The following MYBBP1A variants were observed in gnomAD, a reference collection of about 807,000 sequenced individuals.
MYBBP1A encodes MYB binding protein 1a, also known as myb-binding protein 1A.
A neutral mutation model predicts 136.3 loss-of-function variants in MYBBP1A; 147 were observed. The ratio of observed to expected loss-of-function variants is 1.08; its 90% CI spans 0.94 to 1.24. The LOEUF is 1.24. Ranked by LOEUF, MYBBP1A falls within the 50% of genes most tolerant of loss-of-function variation. The probability of loss-of-function intolerance (pLI) is 0.00; values close to 1 mark genes in which losing one functional copy is unlikely to be tolerated. For missense variants in MYBBP1A, 2,060 were observed against 1,727.4 expected (o/e 1.19, Z -3.41); for synonymous variants, 947 against 735.8 (o/e 1.29, Z -4.65).
chr17:4,542,903 C>T lies in MYBBP1A; in HGVS notation c.2892+10G>A. The T allele has an allele frequency of 1.2e-6, 2 of 1,613,488 alleles. No homozygotes were observed. Among genetic ancestry groups the T allele is most frequent in the Non-Finnish European group, 1.7e-6 (2 of 1,179,814 alleles). On this transcript the variant is annotated intron_variant, in intron 20 of 25. Coordinates refer to ENST00000254718, the MANE Select transcript of MYBBP1A (RefSeq NM_014520.4). ...TGCCTGGGGCTGCTCCTGGGCCAGG[C>T]CCTGCTCACCTGCGGGCCCGTGGGC... is the stretch of plus-strand genomic sequence containing the variant.
In MYBBP1A at chr17:4,539,897, GCTT is replaced by G. The variant is rs1567601710; in HGVS notation, c.3502_3504del (p.Lys1168del). ...TCTGGCAAGAATCCCTTTTTCTTCCGCTTCTTACTGATGGGGCTCTGGGTGGCA... is the reference window on the plus strand; with the variant it reads ...TCTGGCAAGAATCCCTTTTTCTTCCGCTTACTGATGGGGCTCTGGGTGGCA... On this transcript the variant is annotated inframe_deletion, in exon 26 of 26. Transcript: ENST00000254718. 1.1e-5 allele frequency: 18 copies of G among 1,601,192 alleles called. No homozygotes were observed. Among genetic ancestry groups the G allele is most frequent in the Non-Finnish European group, 1.5e-5 (18 of 1,179,918 alleles).
intron 2 of MYBBP1A, 146 bp downstream of exon 2, chr17:4,554,715 C>T (rs534572763): frequency 6.2e-5 from 44 of 709,558 alleles, no homozygotes; most frequent in Non-Finnish European, 9.6e-5. Flanking sequence ...AGAGGCCTCC[C>T]TCAGGTTGGC....
chr17:4,540,649 G>A (rs571412843), intron 24 of MYBBP1A, among the ~76,000 whole-genome samples, 165 bp from the exon 25 acceptor site: 21 of 151,638 alleles, frequency 1.4e-4, no homozygotes, highest in African/African-American at 4.8e-4. Flanking sequence ...GTCTCTTACC[G>A]AGGGAGGAAA....
chr17:4,543,051 G>A lies in MYBBP1A; in HGVS notation c.2754C>T (p.Pro918=). 6.2e-7 allele frequency: 1 copy of A among 1,613,530 alleles called. No homozygotes were observed. Among genetic ancestry groups the A allele is most frequent in the East Asian group, 2.2e-5 (1 of 44,872 alleles). ...AGGCGTTGAAGTGGTAGAGGGCGGT[G>A]GGGGAGTCGGGCTGGCGGCCAGCCT... The part of the protein sequence containing the change: ...VQQAGRQPDS[P]TALYHFNASL... The change falls in exon 20 of 26, where the codon CCC becomes CCT. Residue 918 remains proline (P), a synonymous_variant. Coordinates refer to ENST00000254718, the MANE Select transcript of MYBBP1A (RefSeq NM_014520.4).
intron 25 of MYBBP1A, 30 bp from the exon 26 acceptor site, chr17:4,539,997 G>A (rs1567601917): frequency 1.9e-6 from 3 of 1,585,382 alleles, no homozygotes; most frequent in Non-Finnish European, 2.6e-6. Context: ...GTTAGAAGGT[G>A]CCCATCGAGG....
chr17:4,539,755 G>A lies in MYBBP1A; in HGVS notation c.3647C>T (p.Thr1216Ile), dbSNP rs143860933. The A allele has an allele frequency of 6.2e-6, 10 of 1,613,130 alleles. No homozygotes were observed. In the African/African-American group the frequency reaches 6.7e-5, roughly 11 times the overall value. ...TGCCTGGGCTGGGACCTTAGCCTTT[G>A]TCCTGTTCCTCTTCTTCCTGCCCAT... ...PSMGRKKRNR[T>I]KAKVPAQANG... is the part of the protein sequence containing the mutation. Residue 1216 changes from threonine to isoleucine, a missense_variant, in exon 26 of 26, where the codon ACA (threonine) becomes ATA (isoleucine). By Grantham distance (89) the Thr-to-Ile change is moderately conservative. Coordinates refer to ENST00000254718, the MANE Select transcript of MYBBP1A (RefSeq NM_014520.4).
In MYBBP1A at chr17:4,542,978, C is replaced by T. The variant is rs374532058; in HGVS notation, c.2827G>A (p.Val943Met). 45 of 1,613,946 alleles carry T rather than the reference C, an allele frequency of 2.8e-5. No individual in the cohort carries two copies. In the Middle Eastern group the frequency reaches 4.9e-4, roughly 18 times the overall value. ...TTCTGCTTCTCCTGTGTCTCATGCA[C>T]GCAGCCCTCAGCAGTGTTGCCCTTC... ...VLKGNTAEGC[V>M]HETQEKQKAG... is the part of the protein sequence containing the mutation. Residue 943 changes from valine (V) to methionine (M), a missense_variant, in exon 20 of 26, where the codon GTG (valine) becomes ATG (methionine). Val to Met is a conservative substitution (Grantham distance 21, BLOSUM62 1). Transcript: ENST00000254718.
At chr17:4,544,456 C>G (rs1906757714) in intron 19 of MYBBP1A, 33 bp downstream of exon 19, 2 of 1,542,342 alleles carry the variant, frequency 1.3e-6, no homozygotes, top group Non-Finnish European at 1.7e-6. Context: ...GGGCTGCCGG[C>G]CACACCTGCC....
In MYBBP1A at chr17:4,545,680, T is replaced by A. The variant is rs1344636313; in HGVS notation, c.2003A>T (p.Gln668Leu). Residue 668 changes from glutamine (Q) to leucine (L), a missense_variant, in exon 15 of 26, where the codon CAG becomes CTG. Gln to Leu is a moderately radical substitution (Grantham distance 113). Transcript: ENST00000254718. ...GTGGCCAAACACGCTCCGGGCCACC[T>A]GGCGCATGAGGTGGCTGGGCTGGGC... ...LLAQPSHLMR[Q>L]VARSVFGHIC... is the part of the protein sequence containing the mutation. The A allele has an allele frequency of 1.2e-6, 2 of 1,611,528 alleles. No individual in the cohort carries two copies. The highest frequency in any genetic ancestry group is 4.5e-5 in the East Asian group (2 of 44,792).
Position 4,552,208 on chromosome 17 carries a change from CA to C in MYBBP1A, c.821del (p.Leu274ArgfsTer21). On this transcript the variant is annotated frameshift_variant, in exon 7 of 26. Transcript: ENST00000254718. LOFTEE classifies it high-confidence loss of function. The surrounding 1 kb of genome is among the most constrained non-coding windows in gnomAD (Gnocchi z 4.7). ...GTGGGAACTTGTCTTCCTTGAGTGCCAGGCGGAGCAGGTCCAGAGCAATGGC... is the reference window on the plus strand; with the variant it reads ...GTGGGAACTTGTCTTCCTTGAGTGCCGGCGGAGCAGGTCCAGAGCAATGGC... The part of the protein sequence containing the change: ...LPAIALDLLR[L>X]ALKEDKFPRF... 6.2e-7 allele frequency: 1 copy of C among 1,614,220 alleles called. No individual in the cohort carries two copies. The highest frequency in any genetic ancestry group is 2.2e-5 in the East Asian group (1 of 44,880).
In MYBBP1A at chr17:4,550,175, G is replaced by T. The variant is rs191583083; in HGVS notation, c.1202C>A (p.Pro401Gln). 9.9e-6 allele frequency: 16 copies of T among 1,613,950 alleles called. No homozygotes were observed. The highest frequency in any genetic ancestry group is 2.5e-6 in the Non-Finnish European group (3 of 1,180,046). ...CCAGGCCACATAGCCCTGCAGGGCCGGAGGGCTCAGGAACCGCACGACCCG... is the reference window on the plus strand; with the variant it reads ...CCAGGCCACATAGCCCTGCAGGGCCTGAGGGCTCAGGAACCGCACGACCCG... ...FWRVVRFLSP[P>Q]ALQGYVAWLR... The change falls in exon 9 of 26, where the codon CCG becomes CAG. Residue 401 changes from proline to glutamine, a missense_variant. By Grantham distance (76) the Pro-to-Gln change is moderately conservative (BLOSUM62 -1). Transcript: ENST00000254718.
intron 18 of MYBBP1A, 38 bp from the exon 19 acceptor site, chr17:4,544,684 G>A (rs1222303372): frequency 1.4e-6 from 2 of 1,442,180 alleles, no homozygotes; most frequent in South Asian, 1.3e-5. Flanking sequence ...ACGGGGGTGG[G>A]CGCACAGGGA....
In MYBBP1A at chr17:4,539,222, T is replaced by G; in HGVS notation, c.*193A>C. On this transcript the variant is annotated 3_prime_UTR_variant, in exon 26 of 26. Transcript: ENST00000254718. ...CGGGGGTGGGGAGGTCTCTGCACCC[T>G]GGGACCCCTGCAGGAATGGCTCAGG... 6.8e-7 allele frequency: 1 copy of G among 1,461,914 alleles called. No individual in the cohort carries two copies. Among genetic ancestry groups the G allele is most frequent in the Non-Finnish European group, 8.9e-7 (1 of 1,117,580 alleles). 90.6% of individuals were successfully genotyped at this position (1,461,914 alleles called of 1,614,324 possible). A position where few individuals can be genotyped will look rare whatever the true frequency, so the allele number is the denominator to read the frequency against.
At chr17:4,540,598 C>T in intron 24 of MYBBP1A, 114 bp from the exon 25 acceptor site, 2 of 1,278,578 alleles carry the variant, frequency 1.6e-6, no homozygotes, top group South Asian at 3.5e-5. Context: ...CCTGCCCCTT[C>T]CTGGGCCTCA....
intron 19 of MYBBP1A, among the ~76,000 whole-genome samples, chr17:4,543,973 G>C (rs375024999): frequency 3.3e-5 from 5 of 152,172 alleles, no homozygotes; most frequent in African/African-American, 1.2e-4. Context: ...GGGGGTCTGT[G>C]GCCTCGCTGC....
chr17:4,548,341 G>A lies in MYBBP1A; in HGVS notation c.1557-31C>T. 6.2e-7 allele frequency: 1 copy of A among 1,608,724 alleles called. No individual in the cohort carries two copies. The highest frequency in any genetic ancestry group is 8.5e-7 in the Non-Finnish European group (1 of 1,178,394). On this transcript the variant is annotated intron_variant, in intron 11 of 25. Transcript: ENST00000254718. This position sits in a 1 kb window ranked among gnomAD's most constrained non-coding sequence, Gnocchi z 4.2. ...CAAGGGATGGGGCTTGGGGTCAGCA[G>A]ACCAGATGAGTCAATGTAGCCGCCT... is the stretch of plus-strand genomic sequence containing the variant.
rs776623745 is a variant in MYBBP1A at position 4,550,122 on chromosome 17, G to C, written c.1255C>G (p.Leu419Val). ...WLRAMFLQPD[L>V]DSLVDFSTNN... Reference sequence around the variant, plus strand: ...GTGCTGAAGTCAACCAAGGAGTCCAGGTCTGGCTGGAGAAACATGGCCCGC... The same window carrying C: ...GTGCTGAAGTCAACCAAGGAGTCCACGTCTGGCTGGAGAAACATGGCCCGC... Residue 419 changes from leucine to valine, a missense_variant, in exon 9 of 26, where the codon CTG becomes GTG. By Grantham distance (32) the Leu-to-Val change is conservative. Coordinates refer to ENST00000254718, the MANE Select transcript of MYBBP1A (RefSeq NM_014520.4). 6.2e-7 allele frequency: 1 copy of C among 1,614,060 alleles called. No individual in the cohort carries two copies. Among genetic ancestry groups the C allele is most frequent in the Admixed American group, 1.7e-5 (1 of 60,028 alleles).
rs778963598 is a variant in MYBBP1A at position 4,544,582 on chromosome 17, A to G, written c.2546T>C (p.Leu849Pro). The part of the protein sequence containing the change: ...QPENALVLEL[L>P]EPLLSIIRRS... ...CCGGATGATGCTCAGCAGCGGCTCC[A>G]GCAGCTCCAGGACCAGGGCATTCTC... The change falls in exon 19 of 26, where the codon CTG becomes CCG. Residue 849 changes from leucine to proline, a missense_variant. Transcript: ENST00000254718. 2.7e-5 allele frequency: 42 copies of G among 1,577,796 alleles called. No individual in the cohort carries two copies. Among genetic ancestry groups the G allele is most frequent in the Non-Finnish European group, 3.4e-5 (40 of 1,162,416 alleles).
At chr17:4,541,435 A>G (rs1278620586) in intron 24 of MYBBP1A, 28 bp downstream of exon 24, 3 of 1,600,482 alleles carry the variant, frequency 1.9e-6, no homozygotes, top group Non-Finnish European at 2.6e-6. Flanking sequence ...GAACCCGAAC[A>G]CGACCGCGGA....
Sources: gnomAD v4.1 joint callset for allele counts (sites outside exome capture counted in the v4.1 genomes callset) on GRCh38, gnomAD v4.1.1 for gene constraint, Gnocchi (gnomAD v3.1) non-coding constraint, MANE v1.5 for transcripts, NCBI Gene and HGNC (gene_info 2026-07-23, HGNC 2026-07-21) for gene names.